Variants in TNKS2 observed in about 807,000 individuals in gnomAD.
The protein encoded by TNKS2 is tankyrase 2.
Under a neutral mutation model 137.6 loss-of-function variants are expected in TNKS2, and 72 were observed. That is an observed-to-expected ratio of 0.52 (90% CI 0.43 to 0.64). TNKS2 has a LOEUF of 0.64. TNKS2 is among the 30% of genes least tolerant of loss of function. The pLI, the probability that TNKS2 is intolerant of heterozygous loss-of-function variation, is 0.00. For missense variants in TNKS2, 1,049 were observed against 1,410.2 expected, an observed-to-expected ratio of 0.74 and a Z score of 4.10; for synonymous variants, 516 against 512.1, an observed-to-expected ratio of 1.01 and a Z score of -0.10.
intron 1 of TNKS2, chr10:91,807,379 C>A: frequency 1.2e-6 from 2 of 1,614,168 alleles, no homozygotes; most frequent in Admixed American, 3.3e-5. Flanking sequence ...TTCATAGGGT[C>A]AGCGAGGTAA....
chr10:91,830,767 ATTG>A (rs1438555196), intron 9 of TNKS2, among the ~76,000 whole-genome samples, 153 bp from the exon 10 acceptor site: 14 of 152,228 alleles, frequency 9.2e-5, no homozygotes, highest in South Asian at 6.2e-4. Flanking sequence ...GAATTTGGTA[ATTG>A]TTGTAATTCA....
intron 3 of TNKS2, among the ~76,000 whole-genome samples, 179 bp from the exon 4 acceptor site, chr10:91,819,091 G>A (rs1016150495): frequency 6.6e-6 from 1 of 151,714 alleles, no homozygotes; most frequent in Admixed American, 6.6e-5. Context: ...GGTATTTCAT[G>A]TTTGCTCTTC....
intron 3 of TNKS2, 104 bp downstream of exon 3, chr10:91,817,333 A>T: frequency 1.5e-6 from 1 of 652,922 alleles, no homozygotes; most frequent in Non-Finnish European, 2.7e-6. Context: ...GATTTTTAAA[A>T]TAGTGTCAGT....
intron 1 of TNKS2, among the ~76,000 whole-genome samples, chr10:91,800,214 T>G (rs897119531): frequency 4.6e-5 from 7 of 152,324 alleles, no homozygotes; most frequent in African/African-American, 1.4e-4. Context: ...ACACACCTAG[T>G]TAGCCTTTTT....
At chr10:91,806,551 T>C (rs907114773) in intron 1 of TNKS2, among the ~76,000 whole-genome samples, 2 of 152,106 alleles carry the variant, frequency 1.3e-5, no homozygotes, top group Non-Finnish European at 2.9e-5. Context: ...AAGTCATTGC[T>C]CAACAAGCTG....
At chr10:91,822,614 G>A (rs904296336) in intron 7 of TNKS2, among the ~76,000 whole-genome samples, 3 of 151,676 alleles carry the variant, frequency 2.0e-5, no homozygotes, top group South Asian at 2.1e-4. Context: ...TGCCCAGGCC[G>A]GAGTGCAGTG....
Position 91,798,874 on chromosome 10 carries a change from C to G in TNKS2, c.184C>G (p.Leu62Val). 1 of 1,374,488 alleles carries G rather than the reference C, an allele frequency of 7.3e-7. No homozygotes were observed. Among genetic ancestry groups the G allele is most frequent in the South Asian group, 1.7e-5 (1 of 57,776 alleles). The allele number at this position is 1,374,488 out of a possible 1,614,324, so 85.1% of individuals were successfully genotyped here. Residue 62 changes from leucine to valine, a missense_variant, in exon 1 of 27, where the codon CTG (leucine) becomes GTG (valine). Leu to Val is a conservative substitution (Grantham distance 32). Around this residue, in one of 6 missense-constraint regions of TNKS2, gnomAD observed 374 missense variants for 460.8 expected, o/e 0.81. Coordinates refer to ENST00000371627, the MANE Select transcript of TNKS2 (RefSeq NM_025235.4). ...RDTAGRKSTP[L>V]HFAAGFGRKD... ...CACGGCGGGCAGGAAATCCACCCCG[C>G]TGCACTTCGCCGCAGGTAACCGGGG...
In TNKS2 at chr10:91,863,090, A is replaced by G; in HGVS notation, c.*91A>G. On this transcript the variant is annotated 3_prime_UTR_variant, in exon 27 of 27. Transcript: ENST00000371627. ...TTTACTCCTTTGCTGAAAAAAAATC[A>G]TCTTGCCCACAGGCCTGTGGCAAAA... The G allele has an allele frequency of 1.1e-6, 1 of 895,782 alleles. No homozygotes were observed. Among genetic ancestry groups the G allele is most frequent in the Non-Finnish European group, 1.8e-6 (1 of 570,702 alleles). 55.5% of individuals were successfully genotyped at this position (895,782 alleles called of 1,614,324 possible).
intron 11 of TNKS2, among the ~76,000 whole-genome samples, chr10:91,832,167 A>T (rs762143608): frequency 1.4e-4 from 22 of 152,118 alleles, no homozygotes; most frequent in Non-Finnish European, 3.1e-4. Flanking sequence ...ATTGTAAATT[A>T]TTGAATAAAA....
intron 13 of TNKS2, among the ~76,000 whole-genome samples, chr10:91,839,035 T>C (rs1402250265): frequency 2.6e-5 from 4 of 151,952 alleles, no homozygotes; most frequent in Non-Finnish European, 1.5e-5. Flanking sequence ...GCCCAGATAA[T>C]TTTTTGTATT....
chr10:91,846,269 G>T (rs1842367711), intron 18 of TNKS2, among the ~76,000 whole-genome samples: 1 of 152,206 alleles, frequency 6.6e-6, no homozygotes, highest in South Asian at 2.1e-4. Context: ...AGTGCATACA[G>T]CGCAGATGGT....
chr10:91,848,293 G>T, intron 18 of TNKS2, 90 bp from the exon 19 acceptor site: 1 of 1,396,118 alleles, frequency 7.2e-7, no homozygotes. Context: ...AAATTGCTGG[G>T]TTTTCTCATA....
In TNKS2 at chr10:91,840,706, G is replaced by A; in HGVS notation, c.1673G>A (p.Gly558Glu). The A allele has an allele frequency of 1.2e-6, 2 of 1,610,872 alleles. No homozygotes were observed. Among genetic ancestry groups the A allele is most frequent in the Non-Finnish European group, 1.7e-6 (2 of 1,178,616 alleles). The change falls in exon 14 of 27, where the codon GGA becomes GAA. Residue 558 changes from glycine to glutamate, a missense_variant and splice_region_variant. Transcript: ENST00000371627. ...GCTGATGTGCATGCTAAAGATAAAG[G>A]GTAAATGCCAATGATTGTTATGGAC... ...HGADVHAKDK[G>E]GLVPLHNACS...
At chr10:91,815,249 TC>T (rs954823576) in intron 2 of TNKS2, among the ~76,000 whole-genome samples, 4 of 152,126 alleles carry the variant, frequency 2.6e-5, no homozygotes, top group Non-Finnish European at 4.4e-5. Context: ...GACCTCATGG[TC>T]CCCAGCATCC....
chr10:91,831,801 T>A (rs867956656), intron 11 of TNKS2, among the ~76,000 whole-genome samples: 2 of 152,200 alleles, frequency 1.3e-5, no homozygotes, highest in African/African-American at 4.8e-5. Flanking sequence ...CATCTCAGAT[T>A]GGAAGAGATG....
intron 20 of TNKS2, among the ~76,000 whole-genome samples, chr10:91,850,579 C>T (rs1360267867): frequency 1.3e-5 from 2 of 151,498 alleles, no homozygotes; most frequent in Non-Finnish European, 2.9e-5. Context: ...ATTAGCTGGG[C>T]GTGGTGGCGG....
chr10:91,848,297 TC>T (rs1156844264), intron 18 of TNKS2, 85 bp from the exon 19 acceptor site: 2 of 1,408,016 alleles, frequency 1.4e-6, no homozygotes, highest in Admixed American at 2.6e-5. Flanking sequence ...TGCTGGGTTT[TC>T]TCATATTTTT....
intron 21 of TNKS2, among the ~76,000 whole-genome samples, chr10:91,852,870 T>C (rs942100655): frequency 8.5e-5 from 13 of 152,256 alleles, no homozygotes; most frequent in African/African-American, 3.1e-4. Flanking sequence ...AGATGTATTT[T>C]ACTGCCTGAT....
chr10:91,850,293 G>A (rs1416633408), intron 20 of TNKS2, among the ~76,000 whole-genome samples: 2 of 150,804 alleles, frequency 1.3e-5, no homozygotes, highest in African/African-American at 2.4e-5. Flanking sequence ...GCTTGAACCC[G>A]GGAAGCAGAG....
Sources: allele counts gnomAD v4.1 joint callset (sites outside exome capture counted in the v4.1 genomes callset), GRCh38; gene constraint gnomAD v4.1.1; regional missense constraint gnomAD v4.1.1; transcripts MANE v1.5; gene names NCBI Gene and HGNC (gene_info 2026-07-23, HGNC 2026-07-21).